EFL1: variants seen among roughly 807,000 people sequenced by gnomAD.
EFL1 encodes elongation factor-like GTPase 1.
EFL1 carries 76 observed loss-of-function variants against 126.7 expected under a neutral mutation model. The ratio of observed to expected loss-of-function variants is 0.60; its 90% CI spans 0.50 to 0.73. The LOEUF is 0.73. Among genes scored for constraint, EFL1 ranks in the 30% least tolerant of loss-of-function variants. The probability of loss-of-function intolerance (pLI) is 0.00; values close to 1 mark genes in which losing one functional copy is unlikely to be tolerated. For missense variants in EFL1, 1,128 were observed against 1,343.2 expected (o/e 0.84, Z 2.50); for synonymous variants, 410 against 448.4 (o/e 0.91, Z 1.08).
intron 7 of EFL1, among the ~76,000 whole-genome samples, chr15:82,236,956 A>G (rs2074879109): frequency 6.6e-6 from 1 of 152,234 alleles, no homozygotes; most frequent in Non-Finnish European, 1.5e-5. Context: ...CCTGGACAAC[A>G]TGGTGAAACC....
chr15:82,244,469 C>T (rs2074953298), intron 4 of EFL1, among the ~76,000 whole-genome samples: 1 of 152,072 alleles, frequency 6.6e-6, no homozygotes, highest in South Asian at 2.1e-4. Flanking sequence ...AGTCCTGAAG[C>T]TATATGTTGA....
intron 4 of EFL1, among the ~76,000 whole-genome samples, chr15:82,241,933 C>A (rs939174637): frequency 3.3e-5 from 5 of 152,140 alleles, no homozygotes; most frequent in African/African-American, 1.2e-4. Context: ...TTACTATGTG[C>A]CAAGCAGTGT....
At chr15:82,225,948 A>C (rs1356525231) in intron 11 of EFL1, among the ~76,000 whole-genome samples, 1 of 152,224 alleles carries the variant, frequency 6.6e-6, no homozygotes, top group Non-Finnish European at 1.5e-5. Context: ...TAAAGAATTC[A>C]ACAGTAAAAT....
At chr15:82,224,282 C>T (rs199615217) in intron 12 of EFL1, among the ~76,000 whole-genome samples, 1 of 152,162 alleles carries the variant, frequency 6.6e-6, no homozygotes, top group Admixed American at 6.5e-5. Context: ...TTTAAATGCA[C>T]AAACATTTTT....
At chr15:82,145,074 C>A (rs1279220111) in intron 18 of EFL1, among the ~76,000 whole-genome samples, 2 of 150,888 alleles carry the variant, frequency 1.3e-5, no homozygotes, top group African/African-American at 4.9e-5. Context: ...GAGGCCGAGG[C>A]GGGTTGATAA....
chr15:82,227,785 T>C (rs2074780111), intron 10 of EFL1, among the ~76,000 whole-genome samples: 1 of 152,228 alleles, frequency 6.6e-6, no homozygotes, highest in Non-Finnish European at 1.5e-5. Context: ...AGGATCCTCA[T>C]GACAGATACT....
intron 15 of EFL1, among the ~76,000 whole-genome samples, chr15:82,210,037 T>C (rs1300279346): frequency 2.6e-5 from 4 of 152,226 alleles, no homozygotes; most frequent in Admixed American, 6.5e-5. Context: ...TATTTTCTTA[T>C]TAAATAGGAA....
chr15:82,254,997 T>G (rs1299084160), intron 3 of EFL1, among the ~76,000 whole-genome samples: 2 of 152,182 alleles, frequency 1.3e-5, no homozygotes, highest in Non-Finnish European at 2.9e-5. Flanking sequence ...TAACTATTAC[T>G]GAGTTGATAT....
chr15:82,230,799 A>G (rs1726935515), intron 8 of EFL1, 49 bp downstream of exon 8: 1 of 1,552,470 alleles, frequency 6.4e-7, no homozygotes, highest in South Asian at 1.3e-5. Context: ...ATAGGTTTTC[A>G]TAGGGCAAGA....
intron 19 of EFL1, among the ~76,000 whole-genome samples, chr15:82,131,378 A>G (rs751938973): frequency 1.3e-5 from 2 of 152,068 alleles, no homozygotes; most frequent in Non-Finnish European, 2.9e-5. Flanking sequence ...TGTAGCCTCA[A>G]TCTCCTGGGC....
chr15:82,241,855 T>C (rs1211861746), intron 4 of EFL1, among the ~76,000 whole-genome samples: 2 of 152,252 alleles, frequency 1.3e-5, no homozygotes, highest in Non-Finnish European at 2.9e-5. Flanking sequence ...CTACAGTTTG[T>C]CAAAGAGCAG....
At chr15:82,193,934 C>T (rs1401645331) in intron 15 of EFL1, among the ~76,000 whole-genome samples, 3 of 152,206 alleles carry the variant, frequency 2.0e-5, no homozygotes, top group East Asian at 1.9e-4. Flanking sequence ...ACAGTGCTGT[C>T]GCTAACACGG....
At chr15:82,154,246 G>A (rs1555424957) in intron 17 of EFL1, among the ~76,000 whole-genome samples, 1 of 152,114 alleles carries the variant, frequency 6.6e-6, no homozygotes, top group South Asian at 2.1e-4. Flanking sequence ...AGTGCGGTAG[G>A]CTCAGGCTAC....
intron 8 of EFL1, among the ~76,000 whole-genome samples, chr15:82,229,602 A>G (rs1043905081): frequency 1.1e-4 from 16 of 152,140 alleles, no homozygotes; most frequent in African/African-American, 3.9e-4. Context: ...TGAGGGGTAT[A>G]CTCTTCCATA....
At chr15:82,256,578 G>C (rs1021028926) in intron 3 of EFL1, among the ~76,000 whole-genome samples, 28 of 152,172 alleles carry the variant, frequency 1.8e-4, no homozygotes, top group Non-Finnish European at 3.5e-4. Context: ...GCTATGAATA[G>C]AGAAGTTTTA....
In EFL1 at chr15:82,262,690, C is replaced by A; in HGVS notation, c.-96G>T. The A allele has an allele frequency of 3.3e-6, 2 of 605,990 alleles. No individual in the cohort carries two copies. Among genetic ancestry groups the A allele is most frequent in the South Asian group, 2.1e-5 (1 of 46,760 alleles). 37.5% of individuals were successfully genotyped at this position (605,990 alleles called of 1,614,324 possible). ...CCGAGAGCTTCCGAAAGTCCGAGAGCTCTGCGGGTCCGACACGCCCGCGCG... is the reference window on the plus strand; with the variant it reads ...CCGAGAGCTTCCGAAAGTCCGAGAGATCTGCGGGTCCGACACGCCCGCGCG... On this transcript the variant is annotated 5_prime_UTR_variant, in exon 1 of 20. Transcript: ENST00000268206.
chr15:82,147,025 C>T (rs772097167), intron 18 of EFL1, among the ~76,000 whole-genome samples: 1 of 151,938 alleles, frequency 6.6e-6, no homozygotes, highest in African/African-American at 2.4e-5. Flanking sequence ...GGTCACATGC[C>T]GTGTCCAGGT....
intron 3 of EFL1, among the ~76,000 whole-genome samples, chr15:82,253,236 C>T (rs189122168): frequency 1.3e-5 from 2 of 152,148 alleles, no homozygotes; most frequent in East Asian, 1.9e-4. Flanking sequence ...GACAGGGTTT[C>T]GCCATGCTGG....
intron 12 of EFL1, among the ~76,000 whole-genome samples, chr15:82,222,766 G>C (rs530820222): frequency 3.2e-4 from 49 of 152,296 alleles, no homozygotes; most frequent in African/African-American, 1.1e-3. Flanking sequence ...CCCTACTAGT[G>C]AGGAAACAGT....
Sources: allele counts gnomAD v4.1 joint callset (sites outside exome capture counted in the v4.1 genomes callset), GRCh38; gene constraint gnomAD v4.1.1; transcripts MANE v1.5; gene names NCBI Gene and HGNC (gene_info 2026-07-23, HGNC 2026-07-21).